CUX1: variants seen among roughly 807,000 people sequenced by gnomAD.
CUX1 encodes the protein protein CASP.
In CUX1, 31 loss-of-function variants were observed where a neutral mutation model predicts 158.8. The ratio of observed to expected loss-of-function variants is 0.20; its 90% CI spans 0.15 to 0.26. The LOEUF (loss-of-function observed/expected upper bound fraction) is 0.26. CUX1 is among the 10% of genes least tolerant of loss of function. CUX1 has a pLI of 1.00. For missense variants in CUX1, 1,589 were observed against 2,014.6 expected (o/e 0.79, Z 4.04); for synonymous variants, 879 against 862.1 (o/e 1.02, Z -0.34).
chr7:102,116,500 C>G (rs1172724978), intron 8 of CUX1, among the ~76,000 whole-genome samples: 1 of 152,060 alleles, frequency 6.6e-6, no homozygotes, highest in Non-Finnish European at 1.5e-5. Context: ...CTATATTTCA[C>G]CGAGCATGGC....
At chr7:102,124,733 G>A (rs1261502191) in intron 8 of CUX1, among the ~76,000 whole-genome samples, 3 of 152,060 alleles carry the variant, frequency 2.0e-5, no homozygotes, top group African/African-American at 7.2e-5. Context: ...AGATGTATTA[G>A]ACAGTGACTA....
chr7:102,196,548 G>T, intron 14 of CUX1, 86 bp from the exon 15 acceptor site: 3 of 1,278,944 alleles, frequency 2.3e-6, no homozygotes, highest in Admixed American at 2.6e-5. Flanking sequence ...TCCCTTTTGC[G>T]GGGGCAAACT....
At chr7:101,832,856 G>A (rs1227891977) in intron 1 of CUX1, among the ~76,000 whole-genome samples, 4 of 152,132 alleles carry the variant, frequency 2.6e-5, no homozygotes, top group South Asian at 4.1e-4. Flanking sequence ...GGCCTGCTCC[G>A]GTGCCTCTGG....
intron 1 of CUX1, among the ~76,000 whole-genome samples, chr7:101,873,240 A>G (rs563307919): frequency 4.0e-4 from 59 of 147,886 alleles, no homozygotes; most frequent in African/African-American, 1.5e-3. Flanking sequence ...CAGGATGTAC[A>G]GGTTTGTTAC....
chr7:101,973,033 A>G (rs1812168245), intron 2 of CUX1, among the ~76,000 whole-genome samples: 2 of 152,092 alleles, frequency 1.3e-5, no homozygotes, highest in East Asian at 3.9e-4. Context: ...CGGGTTTTAG[A>G]GGGTTGCTTT....
chr7:102,110,908 C>T (rs1830819362), intron 6 of CUX1, among the ~76,000 whole-genome samples: 1 of 152,084 alleles, frequency 6.6e-6, no homozygotes, highest in African/African-American at 2.4e-5. Flanking sequence ...ATGCTCTTGT[C>T]ATATTTGATT....
intron 1 of CUX1, among the ~76,000 whole-genome samples, chr7:101,821,420 A>T (rs574396936): frequency 6.7e-6 from 1 of 150,218 alleles, no homozygotes; most frequent in African/African-American, 2.4e-5. Flanking sequence ...CTCACTGCAA[A>T]CTCCGCCTCC....
At chr7:101,983,065 C>T (rs1459817788) in intron 2 of CUX1, among the ~76,000 whole-genome samples, 1 of 152,004 alleles carries the variant, frequency 6.6e-6, no homozygotes, top group African/African-American at 2.4e-5. Context: ...TCCTGACGGC[C>T]CACCTCAACA....
chr7:102,245,306 A>G (rs1426965491), intron 23 of CUX1, among the ~76,000 whole-genome samples: 1 of 152,178 alleles, frequency 6.6e-6, no homozygotes, highest in Admixed American at 6.5e-5. Context: ...GGCCTCCCAA[A>G]GCCCTGGGAT....
rs2132705744 is a variant in CUX1, at chr7:102,256,863, GT to G, written c.*7827del. ...CGCATGGGTTGATACGTTTTGGTTGGTTTTTTGTTGTTGTTTTTCTTGCGTA... is the reference window on the plus strand; with the variant it reads ...CGCATGGGTTGATACGTTTTGGTTGGTTTTTGTTGTTGTTTTTCTTGCGTA... On this transcript the variant is annotated 3_prime_UTR_variant, in exon 24 of 24. Coordinates refer to ENST00000292535, the MANE Select transcript of CUX1 (RefSeq NM_181552.4). 1 of 985,468 alleles carries G rather than the reference GT, an allele frequency of 1.0e-6. No homozygotes were observed. The highest frequency in any genetic ancestry group is 1.2e-6 in the Non-Finnish European group (1 of 829,964). The allele number at this position is 985,468 out of a possible 1,614,324, so 61.0% of individuals were successfully genotyped here.
intron 8 of CUX1, among the ~76,000 whole-genome samples, chr7:102,140,688 C>T (rs1259107733): frequency 1.3e-5 from 2 of 151,736 alleles, no homozygotes; most frequent in Admixed American, 6.6e-5. Context: ...GGTGAAACCC[C>T]GTCTCTACTA....
intron 2 of CUX1, among the ~76,000 whole-genome samples, chr7:102,013,860 A>G (rs895014686): frequency 7.2e-5 from 11 of 151,982 alleles, no homozygotes; most frequent in Non-Finnish European, 1.5e-4. Context: ...ACACACCACC[A>G]TGCCTCGCTA....
intron 3 of CUX1, among the ~76,000 whole-genome samples, chr7:102,038,799 TAA>T (rs1307402491): frequency 6.6e-6 from 1 of 151,898 alleles, no homozygotes; most frequent in Non-Finnish European, 1.5e-5. Flanking sequence ...CAAAAAAATT[TAA>T]AAAGTTACCC....
rs1208304335 is a variant in CUX1, at chr7:102,249,260, G to C, written c.*218G>C. 2.8e-6 allele frequency: 3 copies of C among 1,064,774 alleles called. No homozygotes were observed. The highest frequency in any genetic ancestry group is 3.4e-5 in the African/African-American group (2 of 58,852). The allele number at this position is 1,064,774 out of a possible 1,614,324, so 66.0% of individuals were successfully genotyped here. A position where few individuals can be genotyped will look rare whatever the true frequency, so the allele number is the denominator to read the frequency against. On this transcript the variant is annotated 3_prime_UTR_variant, in exon 24 of 24. Coordinates refer to ENST00000292535, the MANE Select transcript of CUX1 (RefSeq NM_181552.4). ...GGCCGCGGCCCAGACCCACTCTGCG[G>C]CCCGGGCCGACCCTGCGGCCTCCAC...
Position 102,158,554 on chromosome 7 carries a change from T to G in CUX1, c.675-6T>G. On this transcript the variant is annotated splice_region_variant and splice_polypyrimidine_tract_variant and intron_variant, in intron 8 of 23. Coordinates refer to ENST00000292535, the MANE Select transcript of CUX1 (RefSeq NM_181552.4). Reference sequence around the variant, plus strand: ...CTAACCTGCTCTCTCCCTCTCACCCTCCTAGGGCCGACGAGATTGAAATGA... The same window carrying G: ...CTAACCTGCTCTCTCCCTCTCACCCGCCTAGGGCCGACGAGATTGAAATGA... The G allele has an allele frequency of 1.9e-6, 3 of 1,613,792 alleles. No individual in the cohort carries two copies. Among genetic ancestry groups the G allele is most frequent in the Non-Finnish European group, 2.5e-6 (3 of 1,179,946 alleles).
chr7:101,966,031 C>T (rs113450715), intron 2 of CUX1, among the ~76,000 whole-genome samples: 2 of 151,874 alleles, frequency 1.3e-5, no homozygotes, highest in Non-Finnish European at 2.9e-5. Context: ...GATATTGAGG[C>T]GTTATTGCTA....
rs538012987 is a variant in CUX1, at chr7:101,850,293, AT to A, written c.30+32629del. Among the ~76,000 whole-genome samples, 24 of 151,878 alleles carry A rather than the reference AT, an allele frequency of 1.6e-4. 1 individual carries two copies. Among genetic ancestry groups the A allele is most frequent in the African/African-American group, 5.3e-4 (22 of 41,450 alleles). ...TTGCATGTTTTCTTTTCTTCAAAAC[AT>A]TTTTCATTTGTTAATCAACATTTTA... On this transcript the variant is annotated intron_variant, in intron 1 of 23. Coordinates refer to ENST00000292535, the MANE Select transcript of CUX1 (RefSeq NM_181552.4).
intron 2 of CUX1, among the ~76,000 whole-genome samples, chr7:102,024,052 T>C (rs1211912264): frequency 6.6e-6 from 1 of 152,232 alleles, no homozygotes; most frequent in Non-Finnish European, 1.5e-5. Context: ...AATTGTATCA[T>C]CTCCTGTACT....
At chr7:101,932,869 A>G (rs975928083) in intron 2 of CUX1, among the ~76,000 whole-genome samples, 3 of 152,236 alleles carry the variant, frequency 2.0e-5, no homozygotes, top group Admixed American at 6.5e-5. Flanking sequence ...TAATTTAAGA[A>G]CAGAACATGT....
Sources: gnomAD v4.1 joint callset for allele counts (sites outside exome capture counted in the v4.1 genomes callset) on GRCh38, gnomAD v4.1.1 for gene constraint, MANE v1.5 for transcripts, NCBI Gene and HGNC (gene_info 2026-07-23, HGNC 2026-07-21) for gene names.